The following NFIL3 variants were observed in gnomAD, a reference collection of about 807,000 sequenced individuals.
NFIL3 encodes nuclear factor interleukin-3-regulated protein.
NFIL3 carries 5 observed loss-of-function variants against 10.0 expected under a neutral mutation model. That is an observed-to-expected ratio of 0.50 (90% CI 0.26 to 1.06). NFIL3 has a LOEUF of 1.06. Among genes scored for constraint, NFIL3 ranks in the 50% least tolerant of loss-of-function variants. NFIL3 has a pLI of 0.13. For synonymous variants in NFIL3, 202 were observed against 206.5 expected, an observed-to-expected ratio of 0.98 and a Z score of 0.19; for missense variants, 436 against 547.6, an observed-to-expected ratio of 0.80 and a Z score of 2.03.
intron 1 of NFIL3, among the ~76,000 whole-genome samples, chr9:91,412,383 T>C (rs1833570175): frequency 6.6e-6 from 1 of 152,210 alleles, no homozygotes; most frequent in South Asian, 2.1e-4. Flanking sequence ...ATCCATGTTA[T>C]GTTCCAGTAG....
chr9:91,482,918 C>T, the NFIL3 span, among the ~76,000 whole-genome samples: 3 of 152,226 alleles, frequency 2.0e-5, no homozygotes, highest in Non-Finnish European at 2.9e-5. Context: ...ACCCGAAAGG[C>T]GCACATGTCA....
chr9:91,481,864 G>C, the NFIL3 span, among the ~76,000 whole-genome samples: 1 of 152,048 alleles, frequency 6.6e-6, no homozygotes, highest in Non-Finnish European at 1.5e-5. Flanking sequence ...TTAATAGATA[G>C]TTTTGAAGAA....
chr9:91,463,600 T>C, the NFIL3 span, among the ~76,000 whole-genome samples: 1 of 152,066 alleles, frequency 6.6e-6, no homozygotes, highest in African/African-American at 2.4e-5. Context: ...TCTTGGTGAA[T>C]GTTCCATGTG....
chr9:91,464,292 C>A, the NFIL3 span, among the ~76,000 whole-genome samples: 1 of 151,934 alleles, frequency 6.6e-6, no homozygotes, highest in Non-Finnish European at 1.5e-5. Context: ...CCTATCTTGG[C>A]ATATCAAATA....
chr9:91,475,061 T>G, the NFIL3 span, among the ~76,000 whole-genome samples: 6 of 152,250 alleles, frequency 3.9e-5, no homozygotes, highest in Admixed American at 2.6e-4. Flanking sequence ...TCAGGGGTTC[T>G]GTGACTGATA....
At chr9:91,460,554 G>A in the NFIL3 span, among the ~76,000 whole-genome samples, 1 of 152,028 alleles carries the variant, frequency 6.6e-6, no homozygotes, top group Admixed American at 6.6e-5. Context: ...TGGGATTACG[G>A]GTGTGAGCCA....
At chr9:91,415,693 T>A (rs1342142371) in intron 1 of NFIL3, among the ~76,000 whole-genome samples, 1 of 151,990 alleles carries the variant, frequency 6.6e-6, no homozygotes, top group Non-Finnish European at 1.5e-5. Flanking sequence ...AATGGCGCGA[T>A]CTTGGCTCAC....
the NFIL3 span, among the ~76,000 whole-genome samples, chr9:91,468,107 A>G: frequency 6.6e-6 from 1 of 152,202 alleles, no homozygotes; most frequent in Non-Finnish European, 1.5e-5. Context: ...TTGAGGAATC[A>G]CCACACTGTC....
chr9:91,459,287 A>T, the NFIL3 span, among the ~76,000 whole-genome samples: 1 of 152,298 alleles, frequency 6.6e-6, no homozygotes, highest in Admixed American at 6.5e-5. Context: ...GGATGTGCTC[A>T]GTGAAGCCCA....
At chr9:91,427,677 T>C (rs1435096512), upstream of NFIL3, among the ~76,000 whole-genome samples, 1 of 152,190 alleles carries the variant, frequency 6.6e-6, no homozygotes, top group South Asian at 2.1e-4. Context: ...TCTTGCTCTC[T>C]TGCCCACACT....
chr9:91,479,409 A>G, the NFIL3 span, among the ~76,000 whole-genome samples: 2 of 151,724 alleles, frequency 1.3e-5, no homozygotes, highest in Non-Finnish European at 2.9e-5. Context: ...GTGGGCTCCA[A>G]CCAGTCCGAA....
rs1385535022 is a variant in NFIL3 at position 91,409,655 on chromosome 9, T to C, written c.1080A>G (p.Lys360=). The C allele has an allele frequency of 6.2e-7, 1 of 1,614,196 alleles. No individual in the cohort carries two copies. Among genetic ancestry groups the C allele is most frequent in the Admixed American group, 1.7e-5 (1 of 60,022 alleles). ...TATGCTTTTCGAGTTCGAAATGTCT[T>C]TTAGATGTCATGTCAATAGGTGAGG... ...KLSSPIDMTS[K]RHFELEKHSA... Residue 360 remains lysine, a synonymous_variant, in exon 2 of 2, where the codon AAA becomes AAG. Coordinates refer to ENST00000297689, the MANE Select transcript of NFIL3 (RefSeq NM_005384.3).
rs751389323 is a variant in NFIL3, at chr9:91,410,631, A to G, written c.104T>C (p.Val35Ala). 11 of 1,614,218 alleles carry G rather than the reference A, an allele frequency of 6.8e-6. No individual in the cohort carries two copies. The highest frequency in any genetic ancestry group is 9.3e-6 in the Non-Finnish European group (11 of 1,180,048). Residue 35 changes from valine to alanine, a missense_variant, in exon 2 of 2, where the codon GTG becomes GCG. Transcript: ENST00000297689. The surrounding 1 kb of genome is among the most constrained non-coding windows in gnomAD (Gnocchi z 5.7). The part of the protein sequence containing the change: ...MMVLNSALTE[V>A]SEDSTTGEEL... Reference sequence around the variant, plus strand: ...CTCACCTGTTGTGGAGTCTTCTGACACTTCCGTTAAAGCAGAATTAAGGAC... The same window carrying G: ...CTCACCTGTTGTGGAGTCTTCTGACGCTTCCGTTAAAGCAGAATTAAGGAC...
At chr9:91,443,185 G>T in the NFIL3 span, among the ~76,000 whole-genome samples, 1 of 152,172 alleles carries the variant, frequency 6.6e-6, no homozygotes, top group Non-Finnish European at 1.5e-5. Context: ...GAGTGTGTCT[G>T]GGGTTTTTAT....
chr9:91,416,158 C>CT (rs76390990), intron 1 of NFIL3, among the ~76,000 whole-genome samples: 3,909 of 139,486 alleles, frequency 0.028, 62 homozygotes, highest in East Asian at 0.074. Flanking sequence ...TGATCTTCTT[C>CT]TTTTTTTTTT....
chr9:91,455,230 T>C, the NFIL3 span, among the ~76,000 whole-genome samples: 1 of 152,180 alleles, frequency 6.6e-6, no homozygotes, highest in South Asian at 2.1e-4. Flanking sequence ...ATATTGCTTT[T>C]CCTCAAACTT....
At chr9:91,457,414 C>T in the NFIL3 span, among the ~76,000 whole-genome samples, 1 of 152,012 alleles carries the variant, frequency 6.6e-6, no homozygotes, top group South Asian at 2.1e-4. Context: ...TCTGCACTTT[C>T]TCTCAGCAAT....
the NFIL3 span, among the ~76,000 whole-genome samples, chr9:91,436,319 T>C: frequency 6.6e-6 from 1 of 152,174 alleles, no homozygotes; most frequent in Non-Finnish European, 1.5e-5. Context: ...GGCTCACGCC[T>C]GTAATCCCAG....
intron 1 of NFIL3, among the ~76,000 whole-genome samples, chr9:91,418,853 G>T (rs1382687241): frequency 1.3e-5 from 1 of 77,132 alleles, no homozygotes; most frequent in Non-Finnish European, 2.7e-5. Flanking sequence ...ACAGTTTTGG[G>T]TGTTTTTTTT....
Sources: gnomAD v4.1 joint callset for allele counts (sites outside exome capture counted in the v4.1 genomes callset) on GRCh38, gnomAD v4.1.1 for gene constraint, Gnocchi (gnomAD v3.1) non-coding constraint, MANE v1.5 for transcripts, NCBI Gene and HGNC (gene_info 2026-07-23, HGNC 2026-07-21) for gene names.